CUX2: variants seen among roughly 807,000 people sequenced by gnomAD.
CUX2 encodes the protein homeobox protein cut-like 2.
A neutral mutation model predicts 144.8 loss-of-function variants in CUX2; 40 were observed. The observed-to-expected ratio is 0.28, with a 90% CI of 0.21 to 0.36. The LOEUF is 0.36. CUX2 is among the 10% of genes least tolerant of loss of function. The pLI, the probability that CUX2 is intolerant of heterozygous loss-of-function variation, is 1.00. For missense variants in CUX2, 1,615 were observed against 1,994.0 expected (o/e 0.81, Z 3.62); for synonymous variants, 827 against 875.6 (o/e 0.94, Z 0.98).
Position 111,338,067 on chromosome 12 carries a change from G to A in CUX2, c.3197-219G>A, listed in dbSNP as rs34248694. ...AAAAAAAAAAAAAGCTCTTTTGTTG[G>A]TTGCTGCCTCGTCCTGCCCCCAAAT... On this transcript the variant is annotated intron_variant, in intron 19 of 21. Transcript: ENST00000261726. Among the ~76,000 whole-genome samples, 443 of 152,114 alleles carry A rather than the reference G, an allele frequency of 2.9e-3. 1 individual carries two copies. Among genetic ancestry groups the A allele is most frequent in the South Asian group, 8.7e-3 (42 of 4,816 alleles).
chr12:111,080,465 A>G (rs1871820842), intron 1 of CUX2, among the ~76,000 whole-genome samples: 1 of 151,560 alleles, frequency 6.6e-6, no homozygotes, highest in African/African-American at 2.4e-5. Context: ...TGAGGCAAGG[A>G]GTTTGAGACC....
At position 111,316,335 on chromosome 12, in the gene CUX2, G is replaced by A. The variant is rs1026138685; in HGVS notation, c.2003-3677G>A. Among the ~76,000 whole-genome samples the A allele has an allele frequency of 2.7e-5, 4 of 147,700 alleles. No individual in the cohort carries two copies. In the South Asian group the frequency reaches 6.4e-4, roughly 24 times the overall value. On this transcript the variant is annotated intron_variant, in intron 16 of 21. Coordinates refer to ENST00000261726, the MANE Select transcript of CUX2 (RefSeq NM_015267.4). ...TTTTTTTTTAATTTTTAGTAGAGACGGGGTTTCTCCGTGTTGGTCAGGCTG... is the reference window on the plus strand; with the variant it reads ...TTTTTTTTTAATTTTTAGTAGAGACAGGGTTTCTCCGTGTTGGTCAGGCTG...
chr12:111,339,334 AT>A (rs1888486624), intron 20 of CUX2, among the ~76,000 whole-genome samples: 1 of 151,870 alleles, frequency 6.6e-6, no homozygotes, highest in Admixed American at 6.6e-5. Context: ...CCAACTGTCT[AT>A]TTCCCAAAAC....
chr12:111,194,206 C>T (rs1193530920), intron 1 of CUX2, among the ~76,000 whole-genome samples: 3 of 152,194 alleles, frequency 2.0e-5, no homozygotes, highest in Non-Finnish European at 4.4e-5. Context: ...CTCTCTGTGC[C>T]TCAGCGGTGC....
Position 111,034,447 on chromosome 12 carries a change from A to C in CUX2, c.63+207A>C, listed in dbSNP as rs1869313868. Among the ~76,000 whole-genome samples the C allele has an allele frequency of 6.6e-6, 1 of 151,490 alleles. No homozygotes were observed. Among genetic ancestry groups the C allele is most frequent in the African/African-American group, 2.4e-5 (1 of 41,306 alleles). ...TGCTCTTTGTTCGGTTCAGTCATCG[A>C]TTAGCTGCCGCGACCATGGAGAAGC... On this transcript the variant is annotated intron_variant, in intron 1 of 21. Transcript: ENST00000261726. The surrounding 1 kb of genome is among the most constrained non-coding windows in gnomAD (Gnocchi z 4.2).
intron 1 of CUX2, among the ~76,000 whole-genome samples, chr12:111,073,179 T>C (rs1009670413): frequency 2.0e-5 from 3 of 150,542 alleles, no homozygotes; most frequent in Non-Finnish European, 2.9e-5. Context: ...TCCCTTCCAG[T>C]CACTACCAAC....
intron 3 of CUX2, among the ~76,000 whole-genome samples, chr12:111,253,305 C>T (rs554683658): frequency 8.3e-4 from 126 of 151,308 alleles, no homozygotes; most frequent in Non-Finnish European, 1.5e-3. Flanking sequence ...CTCTTCCCCC[C>T]GACTCACCTC....
chr12:111,065,737 A>C (rs1870994122), intron 1 of CUX2, among the ~76,000 whole-genome samples: 1 of 152,220 alleles, frequency 6.6e-6, no homozygotes, highest in Non-Finnish European at 1.5e-5. Flanking sequence ...TTGGCAGAGA[A>C]CAGTAGTTCT....
chr12:111,263,615 ACT>A lies in CUX2; in HGVS notation c.223-138_223-137del, dbSNP rs372843395. The stretch of plus-strand genomic sequence containing the variant: ...ACTCCAGCCTGGGCGACAGAGCAAG[ACT>A]CTCTCTCAAAAACAAAACAAAACAA... On this transcript the variant is annotated intron_variant, in intron 3 of 21. Transcript: ENST00000261726. This position sits in a 1 kb window ranked among gnomAD's most constrained non-coding sequence, Gnocchi z 4.0. The A allele has an allele frequency of 1.6e-3, 1,116 of 708,566 alleles. 6 individuals carry two copies. The African/African-American group carries it at 0.017, about 11-fold the overall frequency. The allele number at this position is 708,566 out of a possible 1,614,324, so 43.9% of individuals were successfully genotyped here.
chr12:111,044,825 C>T (rs1204005585), intron 1 of CUX2, among the ~76,000 whole-genome samples: 1 of 152,216 alleles, frequency 6.6e-6, no homozygotes, highest in East Asian at 1.9e-4. Flanking sequence ...ACACCCCTCA[C>T]TGGCTCTTGA....
At chr12:111,177,904 C>T (rs1438454807) in intron 1 of CUX2, among the ~76,000 whole-genome samples, 4 of 152,244 alleles carry the variant, frequency 2.6e-5, no homozygotes, top group South Asian at 2.1e-4. Flanking sequence ...TGTCTCAAAG[C>T]ATTGTTGCTG....
At chr12:111,073,326 C>T (rs576764530) in intron 1 of CUX2, among the ~76,000 whole-genome samples, 7 of 152,080 alleles carry the variant, frequency 4.6e-5, no homozygotes, top group Non-Finnish European at 8.8e-5. Flanking sequence ...CTGTGTTGTG[C>T]GGCATTACAG....
chr12:111,148,622 A>G (rs4766540), intron 1 of CUX2, among the ~76,000 whole-genome samples: 24,832 of 152,184 alleles, frequency 0.16, 2,458 homozygotes, highest in East Asian at 0.52. Flanking sequence ...GCCACCACTA[A>G]GTAATGCTGC....
chr12:111,195,120 C>T (rs1160908211), intron 1 of CUX2, among the ~76,000 whole-genome samples: 3 of 152,222 alleles, frequency 2.0e-5, no homozygotes, highest in Admixed American at 1.3e-4. Context: ...CACTGGTCCA[C>T]GTTCCTCTCA....
chr12:111,212,569 A>T (rs918405269), intron 1 of CUX2, among the ~76,000 whole-genome samples: 1 of 152,068 alleles, frequency 6.6e-6, no homozygotes, highest in Non-Finnish European at 1.5e-5. Context: ...AGGCCTCACT[A>T]TGTTGCCCAG....
intron 4 of CUX2, among the ~76,000 whole-genome samples, chr12:111,280,577 C>T (rs966800507): frequency 5.9e-5 from 9 of 152,196 alleles, no homozygotes; most frequent in South Asian, 2.1e-4. Flanking sequence ...CTTTCAGCTG[C>T]GGAATCCAGA....
intron 1 of CUX2, among the ~76,000 whole-genome samples, chr12:111,156,922 A>T (rs2136144820): frequency 6.9e-6 from 1 of 145,384 alleles, no homozygotes; most frequent in East Asian, 2.2e-4. Flanking sequence ...GGAGACGGAG[A>T]CTGCAGTGAG....
At chr12:111,111,678 C>T (rs994470909) in intron 1 of CUX2, among the ~76,000 whole-genome samples, 4 of 152,100 alleles carry the variant, frequency 2.6e-5, no homozygotes, top group African/African-American at 9.7e-5. Flanking sequence ...CTTCTGCATT[C>T]CCAGGTGATG....
At chr12:111,193,182 A>C (rs1880006215) in intron 1 of CUX2, among the ~76,000 whole-genome samples, 1 of 152,206 alleles carries the variant, frequency 6.6e-6, no homozygotes, top group African/African-American at 2.4e-5. Flanking sequence ...AAAGAGCGAC[A>C]CAGGAGTCCA....
Sources: gnomAD v4.1 joint callset for allele counts (sites outside exome capture counted in the v4.1 genomes callset) on GRCh38, gnomAD v4.1.1 for gene constraint, Gnocchi (gnomAD v3.1) non-coding constraint, MANE v1.5 for transcripts, NCBI Gene and HGNC (gene_info 2026-07-23, HGNC 2026-07-21) for gene names.